BCAR3: variants seen among roughly 807,000 people sequenced by gnomAD.
BCAR3 encodes breast cancer anti-estrogen resistance protein 3.
In BCAR3, 37 loss-of-function variants were observed where a neutral mutation model predicts 80.1. The ratio of observed to expected loss-of-function variants is 0.46; its 90% CI spans 0.36 to 0.61. The LOEUF is 0.61. Ranked by LOEUF, BCAR3 falls within the 20% of genes least tolerant of loss-of-function variation. BCAR3 has a pLI of 0.00. For missense variants in BCAR3, 978 were observed against 1,068.2 expected (o/e 0.92, Z 1.18); for synonymous variants, 389 against 418.9 (o/e 0.93, Z 0.87).
In BCAR3 at chr1:93,592,972, C is replaced by T. The variant is rs1438085774; in HGVS notation, c.358-579G>A. On this transcript the variant is annotated intron_variant, in intron 3 of 11. Transcript: ENST00000260502. The surrounding 1 kb of genome is among the most constrained non-coding windows in gnomAD (Gnocchi z 4.8). Reference sequence around the variant, plus strand: ...CTTGAATCTAATAACAGAAGTCTGTCTTTATTTCACATTTCTAATATTTCA... The same window carrying T: ...CTTGAATCTAATAACAGAAGTCTGTTTTTATTTCACATTTCTAATATTTCA... Among the ~76,000 whole-genome samples, 1 of 152,234 alleles carries T rather than the reference C, an allele frequency of 6.6e-6. No individual in the cohort carries two copies. Among genetic ancestry groups the T allele is most frequent in the African/African-American group, 2.4e-5 (1 of 41,468 alleles).
chr1:93,705,868 T>C (rs781269608), intron 3 of BCAR3, among the ~76,000 whole-genome samples: 2 of 151,630 alleles, frequency 1.3e-5, no homozygotes, highest in Non-Finnish European at 2.9e-5. Context: ...AGGAGGTGGC[T>C]GAAGCCAAAG....
At chr1:93,710,595 C>T (rs976601214) in intron 2 of BCAR3, among the ~76,000 whole-genome samples, 2 of 152,174 alleles carry the variant, frequency 1.3e-5, no homozygotes, top group Admixed American at 6.5e-5. Flanking sequence ...CCCCACCAAC[C>T]TTTCGGCCTC....
At chr1:93,799,628 G>T (rs745639490) in intron 2 of BCAR3, among the ~76,000 whole-genome samples, 13 of 152,106 alleles carry the variant, frequency 8.5e-5, no homozygotes, top group Non-Finnish European at 1.6e-4. Context: ...TCTTGTTTCA[G>T]CTAATTGTTC....
intron 2 of BCAR3, among the ~76,000 whole-genome samples, chr1:93,780,989 CA>C (rs1321496017): frequency 6.6e-6 from 1 of 152,092 alleles, no homozygotes; most frequent in Non-Finnish European, 1.5e-5. Context: ...CTGGCTTGAA[CA>C]AAAGGTACTC....
At chr1:93,624,738 G>A (rs1301182381) in intron 3 of BCAR3, among the ~76,000 whole-genome samples, 2 of 152,212 alleles carry the variant, frequency 1.3e-5, no homozygotes, top group South Asian at 2.1e-4. Context: ...TTCTAGAGAC[G>A]TGGCTCTTGT....
intron 1 of BCAR3, chr1:93,845,770 G>A (rs1655153683): frequency 6.6e-6 from 1 of 152,104 alleles, no homozygotes; most frequent in South Asian, 2.1e-4. Flanking sequence ...GGTTCCCCAA[G>A]CTCAGCATTC....
At chr1:93,731,971 T>G (rs1650807042) in intron 2 of BCAR3, among the ~76,000 whole-genome samples, 1 of 152,082 alleles carries the variant, frequency 6.6e-6, no homozygotes, top group Non-Finnish European at 1.5e-5. Context: ...GGCTCAGAGG[T>G]GGGCCTGGCA....
intron 2 of BCAR3, among the ~76,000 whole-genome samples, chr1:93,746,411 T>C (rs759603858): frequency 1.3e-5 from 2 of 152,218 alleles, no homozygotes; most frequent in Non-Finnish European, 2.9e-5. Flanking sequence ...AGATGTAAAG[T>C]TGAGACCTTC....
At chr1:93,624,883 G>A (rs1675410423) in intron 3 of BCAR3, among the ~76,000 whole-genome samples, 1 of 152,210 alleles carries the variant, frequency 6.6e-6, no homozygotes, top group East Asian at 1.9e-4. Context: ...CCAGCCTCTG[G>A]CTGAATTACG....
intron 2 of BCAR3, among the ~76,000 whole-genome samples, chr1:93,778,975 A>C (rs1652670273): frequency 6.6e-6 from 1 of 152,152 alleles, no homozygotes; most frequent in Non-Finnish European, 1.5e-5. Flanking sequence ...GTAGGAGCTC[A>C]ATTTTCTGAT....
intron 3 of BCAR3, among the ~76,000 whole-genome samples, chr1:93,594,201 C>T (rs1212546035): frequency 1.3e-5 from 2 of 152,192 alleles, no homozygotes; most frequent in African/African-American, 4.8e-5. Context: ...TGCCTGAAAA[C>T]ATCAGGCACT....
At chr1:93,840,532 C>T (rs914409071) in intron 2 of BCAR3, among the ~76,000 whole-genome samples, 1 of 152,140 alleles carries the variant, frequency 6.6e-6, no homozygotes, top group South Asian at 2.1e-4. Flanking sequence ...GCCTTTCCTT[C>T]CAAATATGCT....
At chr1:93,673,069 C>T (rs1390383067) in intron 2 of BCAR3, among the ~76,000 whole-genome samples, 1 of 152,206 alleles carries the variant, frequency 6.6e-6, no homozygotes, top group East Asian at 1.9e-4. Context: ...GTTGCTTTCC[C>T]TCATTATACA....
At chr1:93,825,182 T>C (rs748690524) in intron 2 of BCAR3, among the ~76,000 whole-genome samples, 1 of 133,752 alleles carries the variant, frequency 7.5e-6, no homozygotes, top group African/African-American at 2.5e-5. Flanking sequence ...GATACAATAC[T>C]GGAGTGCTAA....
chr1:93,706,421 A>G (rs1307097221), intron 2 of BCAR3, among the ~76,000 whole-genome samples: 1 of 152,172 alleles, frequency 6.6e-6, no homozygotes, highest in Non-Finnish European at 1.5e-5. Context: ...CTTATTTGCC[A>G]GGGAAGTCTT....
rs373537051 is a variant in BCAR3 at position 93,573,639 on chromosome 1, T to TATTA, written c.1803-1799_1803-1798insTAAT. Among the ~76,000 whole-genome samples the TATTA allele has an allele frequency of 1.9e-3, 263 of 139,076 alleles. 1 individual carries two copies. The highest frequency in any genetic ancestry group is 5.7e-3 in the African/African-American group (215 of 37,598). The allele number at this position is 139,076 out of a possible 152,430, so 91.2% of individuals were successfully genotyped here. A position where few individuals can be genotyped will look rare whatever the true frequency, so the allele number is the denominator to read the frequency against. ...TATTATTATTATTATTATTATTTTT[T>TATTA]TTTTTTTGAGACAGGGTTTTGCTCT... On this transcript the variant is annotated intron_variant, in intron 8 of 11. Transcript: ENST00000260502.
At chr1:93,744,350 C>T (rs190271226) in intron 2 of BCAR3, among the ~76,000 whole-genome samples, 2 of 152,236 alleles carry the variant, frequency 1.3e-5, no homozygotes, top group East Asian at 3.9e-4. Flanking sequence ...GGGGTAAATA[C>T]CCATAAAATG....
intron 2 of BCAR3, among the ~76,000 whole-genome samples, chr1:93,790,206 C>A (rs963698177): frequency 1.3e-5 from 2 of 151,832 alleles, no homozygotes; most frequent in African/African-American, 2.4e-5. Flanking sequence ...CAGTGAACAA[C>A]CGAGAGGTTC....
intron 2 of BCAR3, among the ~76,000 whole-genome samples, chr1:93,722,103 C>T (rs945401637): frequency 3.3e-5 from 5 of 152,206 alleles, no homozygotes; most frequent in African/African-American, 7.2e-5. Flanking sequence ...TCCACAGTCT[C>T]GGCCAGGTCC....
Sources: gnomAD v4.1 joint callset for allele counts (sites outside exome capture counted in the v4.1 genomes callset) on GRCh38, gnomAD v4.1.1 for gene constraint, Gnocchi (gnomAD v3.1) non-coding constraint, MANE v1.5 for transcripts, NCBI Gene and HGNC (gene_info 2026-07-23, HGNC 2026-07-21) for gene names.